The following TFDP2 variants were observed in gnomAD, a reference collection of about 807,000 sequenced individuals.
The protein encoded by TFDP2 is transcription factor Dp-2.
In TFDP2, 17 loss-of-function variants were observed where a neutral mutation model predicts 59.3. That is an observed-to-expected ratio of 0.29 (90% confidence interval 0.20 to 0.43). TFDP2 has a LOEUF of 0.43. Ranked by LOEUF, TFDP2 falls within the 20% of genes least tolerant of loss-of-function variation. The pLI, the probability that TFDP2 is intolerant of heterozygous loss-of-function variation, is 1.00. For missense variants in TFDP2, 391 were observed against 528.8 expected (o/e 0.74, Z 2.56); for synonymous variants, 180 against 194.7 (o/e 0.92, Z 0.63).
intron 1 of TFDP2, among the ~76,000 whole-genome samples, chr3:142,128,897 T>A (rs1169467756): frequency 1.6e-5 from 2 of 123,324 alleles, no homozygotes; most frequent in South Asian, 2.9e-4. Context: ...AAATTAATTA[T>A]AAAAAAGAAA....
At chr3:141,984,252 A>G (rs1941811237) in intron 6 of TFDP2, among the ~76,000 whole-genome samples, 1 of 152,244 alleles carries the variant, frequency 6.6e-6, no homozygotes, top group African/African-American at 2.4e-5. Flanking sequence ...CTGTAATCCC[A>G]GCACTTTGGG....
rs922999053 is a variant in TFDP2 at position 142,149,482 on chromosome 3, C to G, written c.-392G>C. On this transcript the variant is annotated 5_prime_UTR_variant, in exon 1 of 13. Coordinates refer to ENST00000489671, the MANE Select transcript of TFDP2 (RefSeq NM_001178139.2). The stretch of plus-strand genomic sequence containing the variant: ...TCGCTACCGATTTCGTCCGCCCTCT[C>G]CCTGCCCAGCTACAGCCCCGCTTCC... The G allele has an allele frequency of 2.8e-6, 1 of 363,082 alleles. No homozygotes were observed. Among genetic ancestry groups the G allele is most frequent in the Admixed American group, 4.7e-5 (1 of 21,480 alleles). 22.5% of individuals were successfully genotyped at this position (363,082 alleles called of 1,614,324 possible). A position where few individuals can be genotyped will look rare whatever the true frequency, so the allele number is the denominator to read the frequency against.
At position 142,090,169 on chromosome 3, in the gene TFDP2, T is replaced by C. The variant is rs527266515; in HGVS notation, c.82+2892A>G. ...AGAGCAACAGTTTTCTTTTAAAACA[T>C]ATAATTATTTCAGCCAGGTGCAGTG... On this transcript the variant is annotated intron_variant, in intron 3 of 12. Coordinates refer to ENST00000489671, the MANE Select transcript of TFDP2 (RefSeq NM_001178139.2). Among the ~76,000 whole-genome samples the C allele has an allele frequency of 1.6e-4, 24 of 152,248 alleles. No homozygotes were observed. The South Asian group carries it at 3.5e-3, about 22-fold the overall frequency.
Position 142,010,438 on chromosome 3 carries a change from G to A in TFDP2, c.83-4894C>T, listed in dbSNP as rs559111509. Among the ~76,000 whole-genome samples, 8 of 152,010 alleles carry A rather than the reference G, an allele frequency of 5.3e-5. 1 individual carries two copies. The highest frequency in any genetic ancestry group is 1.4e-4 in the African/African-American group (6 of 41,456). On this transcript the variant is annotated intron_variant, in intron 3 of 12. Coordinates refer to ENST00000489671, the MANE Select transcript of TFDP2 (RefSeq NM_001178139.2). ...AGCTTGGCCAACATGGTGAAATTCC[G>A]TCTCTACTAAAAATACAAAAATCAG...
At chr3:142,060,882 G>A (rs747989575) in intron 3 of TFDP2, among the ~76,000 whole-genome samples, 17 of 152,140 alleles carry the variant, frequency 1.1e-4, no homozygotes, top group Non-Finnish European at 2.2e-4. Context: ...GACAACAGCC[G>A]ACAGAGACTG....
chr3:141,962,710 G>A (rs1937514149), intron 10 of TFDP2, among the ~76,000 whole-genome samples: 1 of 152,152 alleles, frequency 6.6e-6, no homozygotes, highest in Non-Finnish European at 1.5e-5. Context: ...CGGAATCTCT[G>A]GACACAACAG....
rs1481541077 is a variant in TFDP2, at chr3:141,968,381, CTCATATATATAACATATATA to C, written c.732+1672_732+1691del. ...CATATATCTCATATATAACATATAT[CTCATATATATAACATATATA>C]TCATATATATAACATATATATCTCA... On this transcript the variant is annotated intron_variant, in intron 9 of 12. Coordinates refer to ENST00000489671, the MANE Select transcript of TFDP2 (RefSeq NM_001178139.2). Among the ~76,000 whole-genome samples, 70 of 90,524 alleles carry C rather than the reference CTCATATATATAACATATATA, an allele frequency of 7.7e-4. 5 individuals are homozygous for C. Among genetic ancestry groups the C allele is most frequent in the Admixed American group, 1.7e-3 (13 of 7,756 alleles). The allele number at this position is 90,524 out of a possible 152,430, so 59.4% of individuals were successfully genotyped here. A position where few individuals can be genotyped will look rare whatever the true frequency, so the allele number is the denominator to read the frequency against.
intron 10 of TFDP2, among the ~76,000 whole-genome samples, chr3:141,962,181 T>C (rs1381554597): frequency 6.6e-6 from 1 of 151,876 alleles, no homozygotes; most frequent in Non-Finnish European, 1.5e-5. Flanking sequence ...TGACCACAGG[T>C]GATCTGCCTG....
At chr3:142,089,259 A>G (rs532811819) in intron 3 of TFDP2, among the ~76,000 whole-genome samples, 9 of 152,258 alleles carry the variant, frequency 5.9e-5, no homozygotes, top group African/African-American at 1.7e-4. Flanking sequence ...AAAGAACCCA[A>G]TGGAAATTCT....
chr3:142,047,181 A>T (rs1947382785), intron 3 of TFDP2, among the ~76,000 whole-genome samples: 2 of 152,222 alleles, frequency 1.3e-5, no homozygotes, highest in African/African-American at 2.4e-5. Flanking sequence ...GCACTGTAGC[A>T]ACTGAGAAAA....
At chr3:142,044,235 T>TTG in intron 3 of TFDP2, 1 of 231,822 alleles carries the variant, frequency 4.3e-6, no homozygotes, top group Non-Finnish European at 8.3e-6. Flanking sequence ...GGTTTTTTTT[T>TTG]TTTTTTTTTT....
At chr3:142,024,534 T>C (rs187799554) in intron 3 of TFDP2, among the ~76,000 whole-genome samples, 1 of 152,276 alleles carries the variant, frequency 6.6e-6, no homozygotes, top group East Asian at 1.9e-4. Flanking sequence ...GGCTGTTATT[T>C]CTAGTTGCAT....
At chr3:142,139,851 T>C (rs866772059) in intron 1 of TFDP2, among the ~76,000 whole-genome samples, 2 of 152,296 alleles carry the variant, frequency 1.3e-5, no homozygotes, top group Middle Eastern at 6.8e-3. Flanking sequence ...TATCTTGGGG[T>C]TGCTCTTCTC....
intron 3 of TFDP2, among the ~76,000 whole-genome samples, chr3:142,053,044 G>A (rs1452953227): frequency 3.9e-5 from 6 of 152,094 alleles, no homozygotes; most frequent in Admixed American, 6.5e-5. Flanking sequence ...TCCTGGCCTC[G>A]TGATCCACTT....
chr3:142,066,454 C>T (rs2060077124), intron 3 of TFDP2, among the ~76,000 whole-genome samples: 1 of 152,084 alleles, frequency 6.6e-6, no homozygotes, highest in East Asian at 1.9e-4. Context: ...TTACATTAGC[C>T]TACAATTAGG....
rs572872721 is a variant in TFDP2, at chr3:142,051,155, C to T, written c.82+41906G>A. Among the ~76,000 whole-genome samples the T allele has an allele frequency of 2.0e-5, 3 of 152,292 alleles. No individual in the cohort carries two copies. The East Asian group carries it at 5.8e-4, about 29-fold the overall frequency. On this transcript the variant is annotated intron_variant, in intron 3 of 12. Coordinates refer to ENST00000489671, the MANE Select transcript of TFDP2 (RefSeq NM_001178139.2). ...CTAATTTTTTGTTCTGGAAGACTCT[C>T]CTGCGCATTGCAGAATCTTTAGCAC...
intron 3 of TFDP2, among the ~76,000 whole-genome samples, chr3:142,079,412 TA>T (rs1207402714): frequency 6.6e-6 from 1 of 152,010 alleles, no homozygotes; most frequent in East Asian, 1.9e-4. Flanking sequence ...AAAGCAAATC[TA>T]AAAGTTGTTG....
chr3:142,020,416 T>C (rs1945495409), intron 3 of TFDP2, among the ~76,000 whole-genome samples: 2 of 151,876 alleles, frequency 1.3e-5, no homozygotes, highest in Admixed American at 6.6e-5. Context: ...GTGCCTATAA[T>C]CCCAGCTGCT....
intron 1 of TFDP2, among the ~76,000 whole-genome samples, chr3:142,111,382 C>A (rs1192325243): frequency 2.1e-5 from 3 of 143,868 alleles, no homozygotes; most frequent in Non-Finnish European, 3.0e-5. Flanking sequence ...TAGCTGAGAT[C>A]GTGCCACTGC....
Sources: gnomAD v4.1 joint callset for allele counts (sites outside exome capture counted in the v4.1 genomes callset) on GRCh38, gnomAD v4.1.1 for gene constraint, MANE v1.5 for transcripts, NCBI Gene and HGNC (gene_info 2026-07-23, HGNC 2026-07-21) for gene names.